The following CCDC102B variants were observed in gnomAD, a reference collection of about 807,000 sequenced individuals.
CCDC102B encodes the protein coiled-coil domain containing 102B, also known as coiled-coil domain-containing protein 102B.
A neutral mutation model predicts 57.4 loss-of-function variants in CCDC102B; 75 were observed. The observed-to-expected ratio is 1.31, with a 90% CI of 1.08 to 1.58. CCDC102B has a LOEUF of 1.58. CCDC102B is among the 40% of genes most tolerant of loss of function. The probability of loss-of-function intolerance (pLI) is 0.00; values close to 1 mark genes in which losing one functional copy is unlikely to be tolerated. For missense variants in CCDC102B, 636 were observed against 582.6 expected (o/e 1.09, Z -0.94); for synonymous variants, 206 against 201.9 (o/e 1.02, Z -0.17).
intron 3 of CCDC102B, among the ~76,000 whole-genome samples, chr18:68,843,304 A>C (rs2037719029): frequency 6.6e-6 from 1 of 152,210 alleles, no homozygotes; most frequent in Non-Finnish European, 1.5e-5. Flanking sequence ...TGATTTGGTA[A>C]GAACATTTTT....
chr18:68,770,329 A>G (rs547885023), intron 2 of CCDC102B, among the ~76,000 whole-genome samples: 29 of 152,346 alleles, frequency 1.9e-4, no homozygotes, highest in African/African-American at 5.8e-4. Context: ...TGCCTAACAA[A>G]CATTTCAAAA....
chr18:68,896,615 G>C (rs969688880), intron 5 of CCDC102B, among the ~76,000 whole-genome samples: 1 of 151,268 alleles, frequency 6.6e-6, no homozygotes, highest in African/African-American at 2.4e-5. Context: ...TTTTATTTGT[G>C]GTATAGTTTG....
At chr18:68,948,491 T>C (rs2049601706) in intron 6 of CCDC102B, among the ~76,000 whole-genome samples, 1 of 135,454 alleles carries the variant, frequency 7.4e-6, no homozygotes. Flanking sequence ...AATTGAAGTG[T>C]ATTTGGAAAA....
intron 1 of CCDC102B, 82 bp from the exon 2 acceptor site, chr18:68,836,660 CAAAAAAA>C (rs56673640): frequency 5.4e-5 from 38 of 700,764 alleles, no homozygotes; most frequent in South Asian, 5.2e-4. Context: ...CATCAATTTT[CAAAAAAA>C]AAAAAAAAAA....
chr18:68,937,721 G>A (rs2049278742), intron 6 of CCDC102B, among the ~76,000 whole-genome samples: 1 of 151,920 alleles, frequency 6.6e-6, no homozygotes, highest in African/African-American at 2.4e-5. Flanking sequence ...CCTACATTAG[G>A]TATTTCTCCT....
At chr18:69,008,389 A>G (rs1345457475) in intron 6 of CCDC102B, among the ~76,000 whole-genome samples, 1 of 152,208 alleles carries the variant, frequency 6.6e-6, no homozygotes, top group East Asian at 1.9e-4. Flanking sequence ...GCTCACCCAG[A>G]AAACGAGTTC....
chr18:68,858,205 A>G (rs1366134504), intron 4 of CCDC102B, among the ~76,000 whole-genome samples: 2 of 152,186 alleles, frequency 1.3e-5, no homozygotes, highest in African/African-American at 4.8e-5. Context: ...GAATTGTATA[A>G]AAATGGAATC....
At chr18:68,933,326 A>T (rs1030257324) in intron 6 of CCDC102B, among the ~76,000 whole-genome samples, 6 of 151,930 alleles carry the variant, frequency 3.9e-5, no homozygotes, top group Admixed American at 3.3e-4. Flanking sequence ...TTTTTTTCAC[A>T]ACTTGAAATT....
chr18:68,805,567 G>A (rs776716198), intron 1 of CCDC102B, among the ~76,000 whole-genome samples: 1 of 152,004 alleles, frequency 6.6e-6, no homozygotes. Context: ...GAGGAAGAGA[G>A]AAAAAACAAT....
At chr18:68,722,489 A>T (rs1035841600) in intron 2 of CCDC102B, among the ~76,000 whole-genome samples, 1 of 152,206 alleles carries the variant, frequency 6.6e-6, no homozygotes, top group Non-Finnish European at 1.5e-5. Context: ...CCTAAAAAGG[A>T]TGTGAAAGAG....
At chr18:68,847,447 C>G (rs2037924392) in intron 4 of CCDC102B, among the ~76,000 whole-genome samples, 1 of 151,806 alleles carries the variant, frequency 6.6e-6, no homozygotes, top group African/African-American at 2.4e-5. Flanking sequence ...TTTACTACCT[C>G]TTGCCACTAG....
intron 1 of CCDC102B, among the ~76,000 whole-genome samples, chr18:68,716,245 G>C (rs1407133180): frequency 6.6e-6 from 1 of 151,558 alleles, no homozygotes; most frequent in East Asian, 1.9e-4. Context: ...TTATACAGAA[G>C]CTTTTCTACT....
At chr18:69,023,085 C>T (rs2051891128) in intron 7 of CCDC102B, among the ~76,000 whole-genome samples, 1 of 151,888 alleles carries the variant, frequency 6.6e-6, no homozygotes, top group Non-Finnish European at 1.5e-5. Flanking sequence ...ATGAAAAATA[C>T]AAACTCAGTT....
chr18:68,902,551 A>G (rs973021254), intron 6 of CCDC102B, among the ~76,000 whole-genome samples: 1 of 152,176 alleles, frequency 6.6e-6, no homozygotes, highest in African/African-American at 2.4e-5. Flanking sequence ...ACAGTAAGTG[A>G]CAACATATTC....
chr18:69,005,643 T>C (rs2051320987), intron 6 of CCDC102B, among the ~76,000 whole-genome samples: 1 of 151,846 alleles, frequency 6.6e-6, no homozygotes, highest in Non-Finnish European at 1.5e-5. Context: ...TGATGTATCA[T>C]ATTACAATTA....
intron 1 of CCDC102B, among the ~76,000 whole-genome samples, chr18:68,805,493 G>A (rs2036001143): frequency 6.6e-6 from 1 of 152,148 alleles, no homozygotes. Context: ...TGCCAAGCTT[G>A]CTCAGAGCAA....
intron 6 of CCDC102B, among the ~76,000 whole-genome samples, chr18:68,997,210 A>G (rs1402828025): frequency 6.6e-6 from 1 of 152,186 alleles, no homozygotes; most frequent in Admixed American, 6.5e-5. Context: ...ATCCAGTCTC[A>G]GGAAGTTCTT....
Position 68,920,864 on chromosome 18 carries a change from G to A in CCDC102B, c.1263+23436G>A, listed in dbSNP as rs570773495. ...CCCTTTTGGCACGTGGGAATTATGG[G>A]GTTTATGAGGGTTATAATTCAAGAT... On this transcript the variant is annotated intron_variant, in intron 6 of 7. Transcript: ENST00000360242. 6.6e-5 allele frequency among the ~76,000 whole-genome samples: 10 copies of A among 152,172 alleles called. No individual in the cohort carries two copies. The South Asian group carries it at 1.2e-3, about 19-fold the overall frequency.
intron 2 of CCDC102B, among the ~76,000 whole-genome samples, chr18:68,742,213 C>A (rs62100010): frequency 0.069 from 10,437 of 152,160 alleles, 417 homozygotes; most frequent in East Asian, 0.15. Context: ...TGATGGCTGG[C>A]AGTTCTTAGA....
Sources: allele counts gnomAD v4.1 joint callset (sites outside exome capture counted in the v4.1 genomes callset), GRCh38; gene constraint gnomAD v4.1.1; transcripts MANE v1.5; gene names NCBI Gene and HGNC (gene_info 2026-07-23, HGNC 2026-07-21).